BTBD1: variants seen among roughly 807,000 people sequenced by gnomAD.
BTBD1 encodes BTB domain containing 1.
Under a neutral mutation model 48.0 loss-of-function variants are expected in BTBD1, and 34 were observed. That is an observed-to-expected ratio of 0.71 (90% confidence interval 0.54 to 0.94). The LOEUF (loss-of-function observed/expected upper bound fraction) is 0.94, where lower values mean the gene tolerates loss of function less well. Ranked by LOEUF, BTBD1 falls within the 40% of genes least tolerant of loss-of-function variation. The probability of loss-of-function intolerance (pLI) is 0.00; values close to 1 mark genes in which losing one functional copy is unlikely to be tolerated. For synonymous variants in BTBD1, 261 were observed against 242.1 expected (o/e 1.08, Z -0.72); for missense variants, 543 against 625.6 (o/e 0.87, Z 1.41).
intron 3 of BTBD1, among the ~76,000 whole-genome samples, chr15:83,048,952 G>A (rs906564024): frequency 1.3e-5 from 2 of 152,172 alleles, no homozygotes; most frequent in African/African-American, 4.8e-5. Flanking sequence ...CGTTTACAAA[G>A]TGAAAATTTT....
chr15:83,046,174 T>C (rs1438929796), intron 3 of BTBD1, among the ~76,000 whole-genome samples: 2 of 152,118 alleles, frequency 1.3e-5, no homozygotes, highest in Non-Finnish European at 2.9e-5. Flanking sequence ...GGCGGGCAGA[T>C]GGCTTGAGCA....
intron 1 of BTBD1, 75 bp from the exon 2 acceptor site, chr15:83,056,620 TGAG>T: frequency 2.3e-6 from 3 of 1,289,908 alleles, no homozygotes; most frequent in Non-Finnish European, 3.3e-6. Flanking sequence ...GTTAAATTTC[TGAG>T]GAGTATTTAC....
In BTBD1 at chr15:83,018,838, T is replaced by G; in HGVS notation, c.1159A>C (p.Lys387Gln). 3 of 1,613,170 alleles carry G rather than the reference T, an allele frequency of 1.9e-6. No homozygotes were observed. Among genetic ancestry groups the G allele is most frequent in the Non-Finnish European group, 2.5e-6 (3 of 1,179,566 alleles). ...QVNIQIIEYE[K>Q]KQTLGQNDTG... ...TCATTCTGTCCCAGGGTTTGCTTTT[T>G]CTCATATTCAATGATCTGTAATTTT... Residue 387 changes from lysine to glutamine, a missense_variant, in exon 7 of 8, where the codon AAA (lysine) becomes CAA (glutamine). Coordinates refer to ENST00000261721, the MANE Select transcript of BTBD1 (RefSeq NM_025238.4).
chr15:83,024,798 C>T (rs1182027828), intron 5 of BTBD1, among the ~76,000 whole-genome samples: 1 of 152,132 alleles, frequency 6.6e-6, no homozygotes, highest in African/African-American at 2.4e-5. Context: ...GATGGAGTTT[C>T]ACCATGTTGT....
rs79563540 is a variant in BTBD1, at chr15:83,044,352, C to A, written c.665-2427G>T. ...ACGGCAACCCTGCTCTGCATGCCCG[C>A]CCGCCCGTGCCCACCATGGCCACAG... On this transcript the variant is annotated intron_variant, in intron 3 of 7. Transcript: ENST00000261721. 1,440 of 1,470,380 alleles carry A rather than the reference C, an allele frequency of 9.8e-4. 28 individuals are homozygous for A. In the East Asian group the frequency reaches 0.03, roughly 30 times the overall value. 91.1% of individuals were successfully genotyped at this position (1,470,380 alleles called of 1,614,324 possible).
At chr15:83,062,225 A>G (rs1308527891) in intron 1 of BTBD1, among the ~76,000 whole-genome samples, 1 of 152,240 alleles carries the variant, frequency 6.6e-6, no homozygotes, top group Admixed American at 6.5e-5. Flanking sequence ...TTATATGACC[A>G]TATACCAATA....
rs144730017 is a variant in BTBD1, at chr15:83,041,897, G to C, written c.693C>G (p.Asp231Glu). The C allele has an allele frequency of 1.5e-5, 24 of 1,614,094 alleles. No homozygotes were observed. Among genetic ancestry groups the C allele is most frequent in the Non-Finnish European group, 1.9e-5 (22 of 1,180,016 alleles). ...GTCGACTTTCTCGAATACTGAGTGT[G>C]TCTCTCTCTAAAACTGCACAGAGTG... ...IDTLCAVLER[D>E]TLSIRESRLF... Residue 231 changes from aspartate to glutamate, a missense_variant, in exon 4 of 8, where the codon GAC (aspartate) becomes GAG (glutamate). Around this residue, in one of 3 missense-constraint regions of BTBD1, gnomAD observed 300 missense variants for 350.0 expected, o/e 0.86. Coordinates refer to ENST00000261721, the MANE Select transcript of BTBD1 (RefSeq NM_025238.4).
chr15:83,052,821 T>C (rs1170328341), intron 2 of BTBD1, among the ~76,000 whole-genome samples: 143 of 146,192 alleles, frequency 9.8e-4, no homozygotes, highest in Admixed American at 1.9e-3. Flanking sequence ...TTTTTTTTTT[T>C]AGTAGAGACG....
intron 4 of BTBD1, among the ~76,000 whole-genome samples, chr15:83,039,464 ATTT>A (rs1219706905): frequency 2.0e-5 from 3 of 152,008 alleles, no homozygotes; most frequent in Non-Finnish European, 4.4e-5. Flanking sequence ...CAGTTTGGAG[ATTT>A]TTTAAAGAAC....
chr15:83,033,094 G>A (rs1007643946), intron 4 of BTBD1, among the ~76,000 whole-genome samples: 1 of 151,906 alleles, frequency 6.6e-6, no homozygotes, highest in Admixed American at 6.6e-5. Flanking sequence ...GCTCAGCAGT[G>A]TGCCCCTCTA....
chr15:83,025,775 T>C (rs1376223230), intron 5 of BTBD1, among the ~76,000 whole-genome samples: 1 of 152,136 alleles, frequency 6.6e-6, no homozygotes, highest in African/African-American at 2.4e-5. Context: ...TTAACCATTT[T>C]TTCTTTTTTT....
intron 2 of BTBD1, among the ~76,000 whole-genome samples, chr15:83,053,760 T>C (rs1054592179): frequency 5.3e-5 from 8 of 152,224 alleles, no homozygotes; most frequent in African/African-American, 9.6e-5. Flanking sequence ...TTCACCTCTC[T>C]GTGCCTCAAT....
At chr15:83,024,713 T>G (rs961826545) in intron 5 of BTBD1, among the ~76,000 whole-genome samples, 5 of 152,140 alleles carry the variant, frequency 3.3e-5, no homozygotes, top group African/African-American at 4.8e-5. Flanking sequence ...GATCACAGCC[T>G]CCTTCCTCAG....
intron 1 of BTBD1, among the ~76,000 whole-genome samples, chr15:83,061,238 T>C (rs773800678): frequency 6.6e-6 from 1 of 152,184 alleles, no homozygotes; most frequent in African/African-American, 2.4e-5. Context: ...ATGGTGAGTA[T>C]TGTGTATCTA....
In BTBD1 at chr15:83,035,273, G is replaced by A. The variant is rs1183636851; in HGVS notation, c.863-4945C>T. ...CATGCCACTGCACTCCAGCCTGGGT[G>A]ACAGAGTGAGACATTGTCTCAAAAA... On this transcript the variant is annotated intron_variant, in intron 4 of 7. Coordinates refer to ENST00000261721, the MANE Select transcript of BTBD1 (RefSeq NM_025238.4). 2.0e-5 allele frequency among the ~76,000 whole-genome samples: 3 copies of A among 152,104 alleles called. No homozygotes were observed. The East Asian group carries it at 5.8e-4, about 29-fold the overall frequency.
intron 4 of BTBD1, among the ~76,000 whole-genome samples, chr15:83,039,391 G>A (rs1421952628): frequency 6.6e-6 from 1 of 152,158 alleles, no homozygotes; most frequent in East Asian, 1.9e-4. Flanking sequence ...CAAGGCTACA[G>A]AGAAAAGGGA....
chr15:83,066,901 G>C lies in BTBD1; in HGVS notation c.251C>G (p.Ala84Gly), dbSNP rs772920696. ...VLGKGRGAAA[A>G]GGPQRIPAHR... ...GGCGGGGATGCGCTGCGGGCCCCCA[G>C]CGGCGGCGGCGCCGCGACCCTTGCC... Residue 84 changes from alanine to glycine, a missense_variant, in exon 1 of 8, where the codon GCT (alanine) becomes GGT (glycine). Ala to Gly is a moderately conservative substitution (Grantham distance 60). Coordinates refer to ENST00000261721, the MANE Select transcript of BTBD1 (RefSeq NM_025238.4). 1 of 1,513,964 alleles carries C rather than the reference G, an allele frequency of 6.6e-7. No individual in the cohort carries two copies. Among genetic ancestry groups the C allele is most frequent in the South Asian group, 1.3e-5 (1 of 79,874 alleles). 93.8% of individuals were successfully genotyped at this position (1,513,964 alleles called of 1,614,324 possible).
chr15:83,034,663 G>A (rs2032590450), intron 4 of BTBD1, among the ~76,000 whole-genome samples: 1 of 151,534 alleles, frequency 6.6e-6, no homozygotes, highest in Admixed American at 6.6e-5. Context: ...TTTAAGATGA[G>A]ATAGACTGTA....
intron 3 of BTBD1, among the ~76,000 whole-genome samples, chr15:83,043,554 G>A (rs866085550): frequency 2.0e-5 from 3 of 152,296 alleles, no homozygotes; most frequent in Middle Eastern, 6.8e-3. Flanking sequence ...GGAGGCTCTT[G>A]CATCGATCCA....
Sources: allele counts gnomAD v4.1 joint callset (sites outside exome capture counted in the v4.1 genomes callset), GRCh38; gene constraint gnomAD v4.1.1; regional missense constraint gnomAD v4.1.1; transcripts MANE v1.5; gene names NCBI Gene and HGNC (gene_info 2026-07-23, HGNC 2026-07-21).